Variants in SNX24 observed in about 807,000 individuals in gnomAD.
SNX24 encodes sorting nexin 24, also known as sorting nexin-24.
Under a neutral mutation model 28.7 loss-of-function variants are expected in SNX24, and 22 were observed. That is an observed-to-expected ratio of 0.77 (90% CI 0.55 to 1.10). The LOEUF is 1.10. Ranked by LOEUF, SNX24 falls within the 50% of genes least tolerant of loss-of-function variation. The probability of loss-of-function intolerance (pLI) is 0.00; values close to 1 mark genes in which losing one functional copy is unlikely to be tolerated. For missense variants in SNX24, 221 were observed against 201.1 expected, an observed-to-expected ratio of 1.10 and a Z score of -0.60; for synonymous variants, 69 against 71.5, an observed-to-expected ratio of 0.96 and a Z score of 0.18.
chr5:123,021,261 C>G (rs1762759025), intron 5 of SNX24, among the ~76,000 whole-genome samples: 1 of 152,156 alleles, frequency 6.6e-6, no homozygotes, highest in Admixed American at 6.5e-5. Context: ...TTCACAAGAA[C>G]CACAAGGGGT....
chr5:122,876,142 G>A (rs746829226), intron 1 of SNX24, among the ~76,000 whole-genome samples: 41 of 152,226 alleles, frequency 2.7e-4, no homozygotes, highest in Non-Finnish European at 5.0e-4. Flanking sequence ...ACAGCGCCTG[G>A]CCCCATTGCT....
intron 1 of SNX24, among the ~76,000 whole-genome samples, chr5:122,881,481 G>A (rs890509751): frequency 3.3e-5 from 5 of 152,068 alleles, no homozygotes; most frequent in Admixed American, 6.6e-5. Flanking sequence ...CTGCAAAATC[G>A]GACCAGGGGA....
chr5:122,894,310 A>G (rs548335808), intron 1 of SNX24, among the ~76,000 whole-genome samples: 1 of 152,290 alleles, frequency 6.6e-6, no homozygotes, highest in Non-Finnish European at 1.5e-5. Flanking sequence ...ATGCACACAC[A>G]TACACACACG....
intron 2 of SNX24, among the ~76,000 whole-genome samples, chr5:122,944,631 G>C (rs1759602780): frequency 6.6e-6 from 1 of 152,060 alleles, no homozygotes; most frequent in Non-Finnish European, 1.5e-5. Flanking sequence ...TGATCATCAG[G>C]GACCCAGGCT....
intron 2 of SNX24, among the ~76,000 whole-genome samples, chr5:122,939,950 T>C (rs1342112803): frequency 2.0e-5 from 3 of 152,120 alleles, no homozygotes; most frequent in Non-Finnish European, 4.4e-5. Context: ...TGCATTATCT[T>C]CCAAATTCTT....
chr5:122,915,530 G>A (rs1758121860), intron 1 of SNX24, among the ~76,000 whole-genome samples: 1 of 152,144 alleles, frequency 6.6e-6, no homozygotes, highest in Admixed American at 6.5e-5. Context: ...GTAGGCTGAG[G>A]TGGGAGGATT....
chr5:122,980,892 T>C (rs1761365430), intron 3 of SNX24, among the ~76,000 whole-genome samples: 1 of 152,040 alleles, frequency 6.6e-6, no homozygotes, highest in South Asian at 2.1e-4. Context: ...AGTTCAAGTA[T>C]GGGAACAGAG....
At chr5:122,945,103 A>G (rs1759626152) in intron 2 of SNX24, among the ~76,000 whole-genome samples, 1 of 152,146 alleles carries the variant, frequency 6.6e-6, no homozygotes, top group African/African-American at 2.4e-5. Context: ...CGTTTGCTCT[A>G]GAGGATCTAG....
intron 3 of SNX24, among the ~76,000 whole-genome samples, chr5:122,962,009 T>G (rs1760506744): frequency 1.3e-5 from 2 of 152,218 alleles, no homozygotes; most frequent in Non-Finnish European, 2.9e-5. Context: ...TTTATGGTAA[T>G]TCTATAAGAC....
chr5:122,945,211 C>T (rs930078140), intron 2 of SNX24, among the ~76,000 whole-genome samples: 1 of 152,168 alleles, frequency 6.6e-6, no homozygotes, highest in Non-Finnish European at 1.5e-5. Context: ...TAGTCTCTTT[C>T]CAACTCATTC....
intron 1 of SNX24, among the ~76,000 whole-genome samples, chr5:122,876,943 T>C (rs1220773790): frequency 6.6e-6 from 1 of 152,170 alleles, no homozygotes; most frequent in Non-Finnish European, 1.5e-5. Context: ...GTGTCCTGTG[T>C]GCAGGAGGTC....
intron 3 of SNX24, among the ~76,000 whole-genome samples, chr5:122,967,292 G>A (rs567165086): frequency 1.3e-5 from 2 of 152,290 alleles, no homozygotes; most frequent in South Asian, 4.1e-4. Flanking sequence ...GCCTAAATAT[G>A]AGCTATTTTG....
At chr5:122,946,334 G>A (rs907054068) in intron 3 of SNX24, among the ~76,000 whole-genome samples, 175 bp downstream of exon 3, 1 of 152,154 alleles carries the variant, frequency 6.6e-6, no homozygotes, top group African/African-American at 2.4e-5. Flanking sequence ...TTTAATTAGG[G>A]TTCTATTTAA....
intron 3 of SNX24, among the ~76,000 whole-genome samples, chr5:122,962,534 C>T (rs1419501728): frequency 6.6e-6 from 1 of 152,044 alleles, no homozygotes; most frequent in Admixed American, 6.6e-5. Flanking sequence ...GGAAATAAAC[C>T]AGTATTTTAA....
chr5:122,876,591 T>A (rs901223642), intron 1 of SNX24, among the ~76,000 whole-genome samples: 15 of 152,218 alleles, frequency 9.9e-5, no homozygotes, highest in African/African-American at 3.6e-4. Context: ...AGTGTCTGCT[T>A]TGTGCTTACT....
intron 3 of SNX24, among the ~76,000 whole-genome samples, chr5:122,984,746 A>G (rs1297462135): frequency 1.3e-5 from 2 of 152,194 alleles, no homozygotes; most frequent in African/African-American, 4.8e-5. Flanking sequence ...ATTTTCCTCT[A>G]TTAGAAATGA....
intron 6 of SNX24, among the ~76,000 whole-genome samples, chr5:123,005,289 A>G (rs1374190093): frequency 2.0e-5 from 3 of 152,180 alleles, no homozygotes; most frequent in Admixed American, 2.0e-4. Flanking sequence ...GTGGACATAC[A>G]TACAGAGCCT....
At chr5:123,028,666 T>C in intron 5 of SNX24, 1 of 842,686 alleles carries the variant, frequency 1.2e-6, no homozygotes, top group Admixed American at 2.9e-5. Flanking sequence ...TACAGTCGTC[T>C]TTACAACTGT....
At chr5:122,922,702 C>A (rs1018717395) in intron 1 of SNX24, among the ~76,000 whole-genome samples, 14 of 152,076 alleles carry the variant, frequency 9.2e-5, no homozygotes, top group African/African-American at 3.4e-4. Context: ...ACAATTTTTC[C>A]CCCAGTGGTC....
Sources: allele counts gnomAD v4.1 joint callset (sites outside exome capture counted in the v4.1 genomes callset), GRCh38; gene constraint gnomAD v4.1.1; transcripts MANE v1.5; gene names NCBI Gene and HGNC (gene_info 2026-07-23, HGNC 2026-07-21).